The following C12orf56 variants were observed in gnomAD, a reference collection of about 807,000 sequenced individuals.
The protein encoded by C12orf56 is chromosome 12 open reading frame 56.
Under a neutral mutation model 69.9 loss-of-function variants are expected in C12orf56, and 71 were observed. That is an observed-to-expected ratio of 1.02 (90% confidence interval 0.84 to 1.24). The LOEUF is 1.24. Ranked by LOEUF, C12orf56 falls within the 50% of genes most tolerant of loss-of-function variation. The probability of loss-of-function intolerance (pLI) is 0.00; values close to 1 mark genes in which losing one functional copy is unlikely to be tolerated. For missense variants in C12orf56, 732 were observed against 738.5 expected (o/e 0.99, Z 0.10); for synonymous variants, 276 against 274.1 (o/e 1.01, Z -0.07).
At chr12:64,380,104 C>CAAAAAAA (rs60079906) in intron 1 of C12orf56, among the ~76,000 whole-genome samples, 58 of 49,980 alleles carry the variant, frequency 1.2e-3, no homozygotes, top group East Asian at 3.3e-3. Context: ...GACTCCGTCG[C>CAAAAAAA]AAAAAAAAAA....
intron 6 of C12orf56, among the ~76,000 whole-genome samples, chr12:64,296,917 A>T (rs1389522224): frequency 6.9e-6 from 1 of 143,956 alleles, no homozygotes; most frequent in Admixed American, 7.1e-5. Flanking sequence ...TTCTCATGGG[A>T]TGACACAACA....
chr12:64,333,449 T>C (rs2038956549), intron 2 of C12orf56, among the ~76,000 whole-genome samples: 1 of 152,134 alleles, frequency 6.6e-6, no homozygotes, highest in Admixed American at 6.5e-5. Flanking sequence ...AAAACAACTT[T>C]AGTGTTCACG....
intron 6 of C12orf56, among the ~76,000 whole-genome samples, chr12:64,299,085 A>C (rs968319149): frequency 1.3e-5 from 2 of 152,164 alleles, no homozygotes; most frequent in Non-Finnish European, 2.9e-5. Flanking sequence ...GTTCTCCTTG[A>C]AGAGGTCCTT....
chr12:64,274,102 G>T (rs1414490964), intron 11 of C12orf56, among the ~76,000 whole-genome samples: 2 of 152,248 alleles, frequency 1.3e-5, no homozygotes, highest in African/African-American at 4.8e-5. Flanking sequence ...GGGCAGAGAA[G>T]CGTCCTCCAC....
intron 1 of C12orf56, among the ~76,000 whole-genome samples, chr12:64,372,493 C>G (rs901819489): frequency 2.6e-5 from 4 of 152,020 alleles, no homozygotes; most frequent in Non-Finnish European, 5.9e-5. Context: ...GATCTTGAAG[C>G]TTTTAGTAAT....
In C12orf56 at chr12:64,379,812, A is replaced by G. The variant is rs571302758; in HGVS notation, c.252+10502T>C. 9.0e-4 allele frequency among the ~76,000 whole-genome samples: 135 copies of G among 150,056 alleles called. 1 individual carries two copies. The South Asian group carries it at 0.02, about 22-fold the overall frequency. ...AAAACGCACGATATAAGCCGGGCGCAGTGGCTCACGCCTGTAATCCCAACA... is the reference window on the plus strand; with the variant it reads ...AAAACGCACGATATAAGCCGGGCGCGGTGGCTCACGCCTGTAATCCCAACA... On this transcript the variant is annotated intron_variant, in intron 1 of 12. Coordinates refer to ENST00000543942, the MANE Select transcript of C12orf56 (RefSeq NM_001170633.2).
In C12orf56 at chr12:64,366,905, T is replaced by TATATTATATAACATACAGTTTATAC. The variant is rs1565777523; in HGVS notation, c.253-13850_253-13849insGTATAAACTGTATGTTATATAATAT. Among the ~76,000 whole-genome samples, 219 of 123,512 alleles carry TATATTATATAACATACAGTTTATAC rather than the reference T, an allele frequency of 1.8e-3. 1 individual carries two copies. The highest frequency in any genetic ancestry group is 7.4e-3 in the African/African-American group (213 of 28,748). The allele number at this position is 123,512 out of a possible 152,430, so 81.0% of individuals were successfully genotyped here. A position where few individuals can be genotyped will look rare whatever the true frequency, so the allele number is the denominator to read the frequency against. On this transcript the variant is annotated intron_variant, in intron 1 of 12. Coordinates refer to ENST00000543942, the MANE Select transcript of C12orf56 (RefSeq NM_001170633.2). ...TATATTATATAACATACAGTTTATA[T>TATATTATATAACATACAGTTTATAC]ATTATATATAACACAGTTTATATAT... is the stretch of plus-strand genomic sequence containing the variant.
chr12:64,275,371 A>G lies in C12orf56; in HGVS notation c.1436T>C (p.Leu479Ser), dbSNP rs780477060. ...ALVRMSFDAE[L>S]QKLILEYTNT... ...TGTATACTCCAGAATAAGCTTCTGT[A>G]ACTAGAATTTTCAAGAATAATCAAT... Residue 479 changes from leucine to serine, a missense_variant and splice_region_variant, in exon 10 of 13, where the codon TTA becomes TCA. Leu to Ser is a moderately radical substitution (Grantham distance 145, BLOSUM62 -2). Coordinates refer to ENST00000543942, the MANE Select transcript of C12orf56 (RefSeq NM_001170633.2). The G allele has an allele frequency of 1.5e-6, 2 of 1,359,664 alleles. No individual in the cohort carries two copies. The highest frequency in any genetic ancestry group is 6.2e-5 in the Admixed American group (2 of 32,436). 84.2% of individuals were successfully genotyped at this position (1,359,664 alleles called of 1,614,324 possible). A position where few individuals can be genotyped will look rare whatever the true frequency, so the allele number is the denominator to read the frequency against.
At chr12:64,370,720 C>T (rs1378566436) in intron 1 of C12orf56, among the ~76,000 whole-genome samples, 1 of 152,078 alleles carries the variant, frequency 6.6e-6, no homozygotes, top group African/African-American at 2.4e-5. Flanking sequence ...ACTAGAATAA[C>T]TGAAACAATC....
chr12:64,312,595 T>G, intron 5 of C12orf56, 84 bp downstream of exon 5: 3 of 1,011,436 alleles, frequency 3.0e-6, no homozygotes, highest in Non-Finnish European at 4.4e-6. Flanking sequence ...GGAAACAGAG[T>G]GAGACTCAGT....
At chr12:64,374,329 C>T (rs982052485) in intron 1 of C12orf56, among the ~76,000 whole-genome samples, 3 of 152,106 alleles carry the variant, frequency 2.0e-5, no homozygotes, top group African/African-American at 7.2e-5. Context: ...CCCACCTGGG[C>T]CTTTTCAGCT....
chr12:64,357,160 G>A (rs1310823632), intron 1 of C12orf56, among the ~76,000 whole-genome samples: 1 of 151,618 alleles, frequency 6.6e-6, no homozygotes, highest in Non-Finnish European at 1.5e-5. Flanking sequence ...AGAGGAGGCT[G>A]GAAATAATTT....
intron 1 of C12orf56, among the ~76,000 whole-genome samples, chr12:64,354,091 G>A (rs2039272589): frequency 6.6e-6 from 1 of 152,182 alleles, no homozygotes; most frequent in Non-Finnish European, 1.5e-5. Context: ...ATAGGTAACA[G>A]CTCATAGAGA....
Position 64,286,022 on chromosome 12 carries a change from A to G in C12orf56, c.1152T>C (p.His384=). 6.2e-7 allele frequency: 1 copy of G among 1,610,698 alleles called. No homozygotes were observed. The highest frequency in any genetic ancestry group is 8.5e-7 in the Non-Finnish European group (1 of 1,177,836). Residue 384 remains histidine, a synonymous_variant, in exon 7 of 13, where the codon CAT becomes CAC. Coordinates refer to ENST00000543942, the MANE Select transcript of C12orf56 (RefSeq NM_001170633.2). ...DLFYFIVNKL[H]EYLPESRDKN... ...TATCCCTAGACTCCGGCAAGTACTC[A>G]TGAAGTTTGTTTACTATGAAATAGA... is the stretch of plus-strand genomic sequence containing the variant.
chr12:64,388,067 T>A (rs2039817609), intron 1 of C12orf56, among the ~76,000 whole-genome samples: 1 of 152,052 alleles, frequency 6.6e-6, no homozygotes, highest in African/African-American at 2.4e-5. Context: ...TCTCCCTGGC[T>A]CAAGTGATCC....
intron 2 of C12orf56, among the ~76,000 whole-genome samples, chr12:64,342,765 G>A (rs758179162): frequency 6.6e-6 from 1 of 152,196 alleles, no homozygotes; most frequent in Non-Finnish European, 1.5e-5. Flanking sequence ...AACAGGCCAA[G>A]AGCTGTTTCT....
chr12:64,329,841 A>G (rs1384095072), intron 3 of C12orf56, among the ~76,000 whole-genome samples: 1 of 151,614 alleles, frequency 6.6e-6, no homozygotes, highest in East Asian at 1.9e-4. Context: ...CCATGTCCCT[A>G]TAAAGGACAT....
chr12:64,308,996 G>A (rs1257763614), intron 5 of C12orf56, among the ~76,000 whole-genome samples: 41 of 97,626 alleles, frequency 4.2e-4, no homozygotes, highest in African/African-American at 1.4e-3. Flanking sequence ...AAAGAAAGAA[G>A]GAAAGAAAGA....
intron 2 of C12orf56, among the ~76,000 whole-genome samples, chr12:64,348,026 C>A (rs1460152542): frequency 6.6e-6 from 1 of 152,150 alleles, no homozygotes; most frequent in Non-Finnish European, 1.5e-5. Context: ...TGCCTGTAAT[C>A]CTAGTACTTT....
Sources: gnomAD v4.1 joint callset for allele counts (sites outside exome capture counted in the v4.1 genomes callset) on GRCh38, gnomAD v4.1.1 for gene constraint, MANE v1.5 for transcripts, NCBI Gene and HGNC (gene_info 2026-07-23, HGNC 2026-07-21) for gene names.